The following SH3TC2 variants were observed in gnomAD, a reference collection of about 807,000 sequenced individuals.
SH3TC2 encodes SH3 domain and tetratricopeptide repeats 2.
Under a neutral mutation model 124.5 loss-of-function variants are expected in SH3TC2, and 87 were observed. That is an observed-to-expected ratio of 0.70 (90% CI 0.59 to 0.84). The LOEUF is 0.84. SH3TC2 is among the 40% of genes least tolerant of loss of function. The pLI, the probability that SH3TC2 is intolerant of heterozygous loss-of-function variation, is 0.00. For synonymous variants in SH3TC2, 634 were observed against 628.5 expected (o/e 1.01, Z -0.13); for missense variants, 1,536 against 1,566.4 (o/e 0.98, Z 0.33).
rs1460726937 is a variant in SH3TC2 at position 149,002,699 on chromosome 5, A to T, written c.*2012T>A. 1 of 152,252 alleles carries T rather than the reference A, an allele frequency of 6.6e-6. No homozygotes were observed. The highest frequency in any genetic ancestry group is 2.4e-5 in the African/African-American group (1 of 41,474). The allele number at this position is 152,252 out of a possible 1,614,324, so 9.4% of individuals were successfully genotyped here. ...TGATGGGCATCAGATGCAGGGAATT[A>T]TGGCTGGTATCCTTGTGGTTCACAG... On this transcript the variant is annotated 3_prime_UTR_variant, in exon 17 of 17. Coordinates refer to ENST00000515425, the MANE Select transcript of SH3TC2 (RefSeq NM_024577.4).
At chr5:149,023,826 T>C (rs532183529) in intron 12 of SH3TC2, among the ~76,000 whole-genome samples, 42 of 152,196 alleles carry the variant, frequency 2.8e-4, no homozygotes, top group African/African-American at 9.6e-4. Context: ...CTCAAGTGAT[T>C]CACCTGCCTC....
intron 16 of SH3TC2, among the ~76,000 whole-genome samples, chr5:149,005,929 G>T (rs1239969907): frequency 6.6e-6 from 1 of 152,136 alleles, no homozygotes; most frequent in Admixed American, 6.5e-5. Context: ...TTGTAACAGA[G>T]ATTTGCAACC....
At position 148,993,505 on chromosome 5, in the gene SH3TC2, C is replaced by A. The variant is rs544308808; in HGVS notation, c.*11206G>T. 4.6e-5 allele frequency among the ~76,000 whole-genome samples: 7 copies of A among 152,210 alleles called. No homozygotes were observed. In the East Asian group the frequency reaches 1.4e-3, roughly 29 times the overall value. On this transcript the variant is annotated 3_prime_UTR_variant, in exon 17 of 17. Coordinates refer to ENST00000515425, the MANE Select transcript of SH3TC2 (RefSeq NM_024577.4). ...TGAGTAAGCATTAATTAAGAAAATA[C>A]TTTCTTGATAAAAATTCAGCCATTA...
intron 8 of SH3TC2, among the ~76,000 whole-genome samples, chr5:149,036,755 A>G (rs1754289242): frequency 1.3e-5 from 2 of 152,136 alleles, no homozygotes; most frequent in African/African-American, 4.8e-5. Context: ...AGCTTTTATC[A>G]ATATAATTGC....
At chr5:149,007,691 T>C (rs1561757262) in intron 15 of SH3TC2, 1 of 165,632 alleles carries the variant, frequency 6.0e-6, no homozygotes, top group Non-Finnish European at 1.3e-5. Context: ...AACGGGTCTA[T>C]GACTTGTTGT....
Position 149,010,405 on chromosome 5 carries a change from G to C in SH3TC2, c.3205-13C>G. 4 of 1,613,610 alleles carry C rather than the reference G, an allele frequency of 2.5e-6. 1 individual carries two copies. The highest frequency in any genetic ancestry group is 2.7e-5 in the African/African-American group (2 of 75,032). ...TCTGGATGGCTGCCTAGGTGGGACA[G>C]AGACAGCTGTTAAAGGCAGAGAGGA... On this transcript the variant is annotated splice_polypyrimidine_tract_variant and intron_variant, in intron 13 of 16. Coordinates refer to ENST00000515425, the MANE Select transcript of SH3TC2 (RefSeq NM_024577.4).
chr5:149,021,523 G>T (rs1386973090), intron 12 of SH3TC2, among the ~76,000 whole-genome samples: 1 of 151,622 alleles, frequency 6.6e-6, no homozygotes, highest in East Asian at 1.9e-4. Context: ...CAGATCTCTG[G>T]CTAGTCTGAT....
At chr5:149,006,277 CAAAAAAAGAAG>C in intron 16 of SH3TC2, 1 of 151,372 alleles carries the variant, frequency 6.6e-6, no homozygotes, top group Non-Finnish European at 1.5e-5. Context: ...AGCAAGCAAG[CAAAAAAAGAAG>C]TTCTAGATTC....
rs886060147 is a variant in SH3TC2 at position 148,995,371 on chromosome 5, C to G, written c.*9340G>C. ...GGAGGATCATTTGGAGGATCAAATC[C>G]TATACTGTGGGTAAATTACTTAGCA... On this transcript the variant is annotated 3_prime_UTR_variant, in exon 17 of 17. Transcript: ENST00000515425. Among the ~76,000 whole-genome samples, 3 of 152,094 alleles carry G rather than the reference C, an allele frequency of 2.0e-5. No homozygotes were observed. Among genetic ancestry groups the G allele is most frequent in the Non-Finnish European group, 2.9e-5 (2 of 68,020 alleles).
At chr5:149,008,126 T>C (rs917495858) in intron 15 of SH3TC2, 3 of 153,620 alleles carry the variant, frequency 2.0e-5, no homozygotes, top group African/African-American at 7.2e-5. Flanking sequence ...CCACACCCGA[T>C]GCCCTTGAAA....
At chr5:149,037,133 A>G (rs903928531) in intron 8 of SH3TC2, among the ~76,000 whole-genome samples, 4 of 152,188 alleles carry the variant, frequency 2.6e-5, no homozygotes, top group Non-Finnish European at 4.4e-5. Context: ...TTGCTGCACC[A>G]GTGACCTTCT....
In SH3TC2 at chr5:149,038,331, G is replaced by A; in HGVS notation, c.965C>T (p.Pro322Leu). ...AGAATCAGGATCTATGTTCCTGGTG[G>A]GGACAAAGCCCACTTGTCCTGAACT... ...STSSGQVGFV[P>L]TRNIDPDSYS... The change falls in exon 8 of 17, where the codon CCC becomes CTC. Residue 322 changes from proline (P) to leucine (L), a missense_variant. By Grantham distance (98) the Pro-to-Leu change is moderately conservative (BLOSUM62 -3). Coordinates refer to ENST00000515425, the MANE Select transcript of SH3TC2 (RefSeq NM_024577.4). 8.1e-6 allele frequency: 13 copies of A among 1,614,130 alleles called. No homozygotes were observed. The highest frequency in any genetic ancestry group is 1.1e-5 in the Non-Finnish European group (13 of 1,180,004).
At chr5:149,039,809 G>T (rs1181708677) in intron 7 of SH3TC2, among the ~76,000 whole-genome samples, 1 of 152,178 alleles carries the variant, frequency 6.6e-6, no homozygotes, top group African/African-American at 2.4e-5. Context: ...CTACAAGGCT[G>T]TACTGCTTTA....
chr5:149,010,141 TG>T (rs1184856654), intron 14 of SH3TC2, 128 bp downstream of exon 14: 4 of 1,327,348 alleles, frequency 3.0e-6, no homozygotes, highest in Non-Finnish European at 4.3e-6. Flanking sequence ...AGGTGGGCAC[TG>T]GACAAGAAAG....
At chr5:149,037,018 A>G (rs17109279) in intron 8 of SH3TC2, among the ~76,000 whole-genome samples, 36,506 of 151,924 alleles carry the variant, frequency 0.24, 4,953 homozygotes, top group African/African-American at 0.36. Flanking sequence ...GTCATATAAT[A>G]TGTCACCCTT....
rs183392891 is a variant in SH3TC2, at chr5:148,991,440, T to C, written c.*13271A>G. ...TCAACAACAAAGCTAACTTTAGCCA[T>C]ATGGGCTCATCCTGTATTTCCCAGG... On this transcript the variant is annotated 3_prime_UTR_variant, in exon 17 of 17. Transcript: ENST00000515425. Among the ~76,000 whole-genome samples the C allele has an allele frequency of 1.8e-3, 272 of 152,296 alleles. 1 individual carries two copies. The highest frequency in any genetic ancestry group is 6.3e-3 in the African/African-American group (263 of 41,570).
rs1754427195 is a variant in SH3TC2 at position 149,044,617 on chromosome 5, T to C, written c.301A>G (p.Ser101Gly). The change falls in exon 4 of 17, where the codon AGT becomes GGT. Residue 101 changes from serine to glycine, a missense_variant. Physicochemically the swap from Ser to Gly is moderately conservative, Grantham distance 56. Around this residue, in one of 3 missense-constraint regions of SH3TC2, gnomAD observed 1,102 missense variants for 1,098.6 expected, o/e 1.00. Coordinates refer to ENST00000515425, the MANE Select transcript of SH3TC2 (RefSeq NM_024577.4). ...LFKDLSARLV[S>G]IQSQRAQFLI... ...AACTGGGCCCTCTGAGACTGGATACTGACCAACCTTGCTGAGAGGTCCTAC... is the reference window on the plus strand; with the variant it reads ...AACTGGGCCCTCTGAGACTGGATACCGACCAACCTTGCTGAGAGGTCCTAC... 3 of 1,614,090 alleles carry C rather than the reference T, an allele frequency of 1.9e-6. No individual in the cohort carries two copies. The East Asian group carries it at 6.7e-5, about 36-fold the overall frequency.
intron 11 of SH3TC2, 33 bp from the exon 12 acceptor site, chr5:149,026,785 C>T (rs761798260): frequency 6.2e-7 from 1 of 1,614,192 alleles, no homozygotes; most frequent in South Asian, 1.1e-5. Flanking sequence ...AATGAGATGA[C>T]TTGAGATAGG....
At position 148,991,084 on chromosome 5, in the gene SH3TC2, A is replaced by G. The variant is rs780157365; in HGVS notation, c.*13627T>C. On this transcript the variant is annotated 3_prime_UTR_variant, in exon 17 of 17. Transcript: ENST00000515425. ...TTTCCAGGGGACTTTCAAAACCCCA[A>G]TCCCTCAGAAGCCCCAAAACGTTTA... 2.6e-5 allele frequency among the ~76,000 whole-genome samples: 4 copies of G among 152,202 alleles called. No individual in the cohort carries two copies. The highest frequency in any genetic ancestry group is 7.2e-5 in the African/African-American group (3 of 41,446).
Sources: gnomAD v4.1 joint callset for allele counts (sites outside exome capture counted in the v4.1 genomes callset) on GRCh38, gnomAD v4.1.1 for gene constraint, gnomAD v4.1.1 regional missense constraint, MANE v1.5 for transcripts, NCBI Gene and HGNC (gene_info 2026-07-23, HGNC 2026-07-21) for gene names.